Variants in STAG1 observed in about 807,000 individuals in gnomAD.
STAG1 encodes cohesin subunit SA-1.
STAG1 carries 26 observed loss-of-function variants against 170.9 expected under a neutral mutation model. The observed-to-expected ratio is 0.15, with a 90% CI of 0.11 to 0.21. STAG1 has a LOEUF of 0.21. STAG1 is among the 10% of genes least tolerant of loss of function. The pLI, the probability that STAG1 is intolerant of heterozygous loss-of-function variation, is 1.00. For missense variants in STAG1, 964 were observed against 1,509.5 expected (o/e 0.64, Z 5.99); for synonymous variants, 514 against 497.7 (o/e 1.03, Z -0.44).
intron 32 of STAG1, among the ~76,000 whole-genome samples, chr3:136,340,000 A>C (rs1935899671): frequency 6.6e-6 from 1 of 152,158 alleles, no homozygotes; most frequent in African/African-American, 2.4e-5. Flanking sequence ...AAAAAGAAAG[A>C]ACCAGTTTCT....
At chr3:136,745,668 A>G (rs1934900418) in intron 1 of STAG1, among the ~76,000 whole-genome samples, 2 of 152,300 alleles carry the variant, frequency 1.3e-5, no homozygotes, top group Admixed American at 6.5e-5. Flanking sequence ...TGTGCAGCCC[A>G]GTTTCTACCA....
At chr3:136,526,089 A>G (rs1281801793) in intron 6 of STAG1, among the ~76,000 whole-genome samples, 1 of 152,112 alleles carries the variant, frequency 6.6e-6, no homozygotes, top group Non-Finnish European at 1.5e-5. Context: ...TGGGGTGGAG[A>G]GTTCTGTAGA....
chr3:136,475,142 T>TTG (rs2089717278), intron 10 of STAG1, among the ~76,000 whole-genome samples: 1 of 100,302 alleles, frequency 1.0e-5, no homozygotes, highest in Non-Finnish European at 2.4e-5. Flanking sequence ...AGGTTCCTTT[T>TTG]TTTTTTTTTT....
intron 2 of STAG1, among the ~76,000 whole-genome samples, chr3:136,628,474 T>TG (rs994321437): frequency 2.6e-5 from 4 of 151,914 alleles, no homozygotes; most frequent in African/African-American, 7.3e-5. Flanking sequence ...AAAAAAGGGG[T>TG]GGGGGGAGGC....
At chr3:136,572,721 A>G (rs1018878895) in intron 4 of STAG1, among the ~76,000 whole-genome samples, 12 of 152,142 alleles carry the variant, frequency 7.9e-5, no homozygotes, top group African/African-American at 2.7e-4. Context: ...CCAGATATAT[A>G]TAACTTCCAC....
At chr3:136,575,542 G>A (rs921350154) in intron 4 of STAG1, among the ~76,000 whole-genome samples, 1 of 151,402 alleles carries the variant, frequency 6.6e-6, no homozygotes, top group Admixed American at 6.6e-5. Flanking sequence ...TCTATCTGGA[G>A]GATAAGGAAA....
At chr3:136,616,202 G>C (rs1939587793) in intron 3 of STAG1, among the ~76,000 whole-genome samples, 2 of 151,490 alleles carry the variant, frequency 1.3e-5, no homozygotes, top group African/African-American at 4.9e-5. Flanking sequence ...CTGGGAGGCG[G>C]AACTTGCAGT....
Position 136,447,151 on chromosome 3 carries a change from C to T in STAG1, c.1429-3747G>A, listed in dbSNP as rs958418788. ...TATCGATAAGAAGCTGTCAATTTTC[C>T]TGTCTTAAATGACTGTCACAATTAT... On this transcript the variant is annotated intron_variant, in intron 14 of 33. Transcript: ENST00000383202. 2.9e-4 allele frequency among the ~76,000 whole-genome samples: 44 copies of T among 151,674 alleles called. 1 individual carries two copies. Among genetic ancestry groups the T allele is most frequent in the African/African-American group, 1.0e-3 (43 of 41,452 alleles).
At chr3:136,412,037 A>T (rs1005025809) in intron 21 of STAG1, among the ~76,000 whole-genome samples, 1 of 152,092 alleles carries the variant, frequency 6.6e-6, no homozygotes, top group Admixed American at 6.6e-5. Flanking sequence ...CAAACAAACA[A>T]ACAAACAAAA....
intron 21 of STAG1, among the ~76,000 whole-genome samples, chr3:136,401,950 G>GTCAGGCTGGTCTC (rs1321113976): frequency 1.3e-5 from 2 of 151,908 alleles, no homozygotes; most frequent in Non-Finnish European, 2.9e-5. Context: ...CACCATGTTG[G>GTCAGGCTGGTCTC]TCAGGCTGGT....
At chr3:136,469,343 G>C (rs2089560086) in intron 12 of STAG1, among the ~76,000 whole-genome samples, 1 of 152,096 alleles carries the variant, frequency 6.6e-6, no homozygotes, top group Admixed American at 6.6e-5. Context: ...ACCAGTAACA[G>C]ACAAACAGAG....
chr3:136,613,313 C>CAAAAAAAAAAAAAA lies in STAG1; in HGVS notation c.133-8854_133-8841dup, dbSNP rs60449608. On this transcript the variant is annotated intron_variant, in intron 3 of 33. Transcript: ENST00000383202. ...AAGTGAACAGAGTGAGACTCCGTCT[C>CAAAAAAAAAAAAAA]AAAAAAAAAAAAAAAAAAAAAAGAA... 1.0e-3 allele frequency among the ~76,000 whole-genome samples: 60 copies of CAAAAAAAAAAAAAA among 59,748 alleles called. 4 individuals carry two copies. The highest frequency in any genetic ancestry group is 1.5e-3 in the African/African-American group (21 of 14,364). The allele number at this position is 59,748 out of a possible 152,430, so 39.2% of individuals were successfully genotyped here.
At chr3:136,403,704 T>G (rs914532049) in intron 21 of STAG1, among the ~76,000 whole-genome samples, 1 of 152,208 alleles carries the variant, frequency 6.6e-6, no homozygotes, top group Non-Finnish European at 1.5e-5. Flanking sequence ...CTACTCATTA[T>G]AAATATCACT....
At chr3:136,639,442 C>G (rs1204570243) in intron 1 of STAG1, among the ~76,000 whole-genome samples, 1 of 152,134 alleles carries the variant, frequency 6.6e-6, no homozygotes, top group African/African-American at 2.4e-5. Context: ...AAATTACATG[C>G]TTTTAAATAT....
chr3:136,723,297 G>A (rs1157637530), intron 1 of STAG1, among the ~76,000 whole-genome samples: 2 of 151,570 alleles, frequency 1.3e-5, no homozygotes, highest in East Asian at 3.9e-4. Context: ...GAGCGTCTCT[G>A]CCCGGCCGCC....
intron 23 of STAG1, among the ~76,000 whole-genome samples, chr3:136,374,052 T>C (rs1025742028): frequency 6.6e-6 from 1 of 152,228 alleles, no homozygotes; most frequent in African/African-American, 2.4e-5. Flanking sequence ...ATATTTAGGA[T>C]ACTTAGCTCT....
At chr3:136,694,029 A>G (rs924045071) in intron 1 of STAG1, among the ~76,000 whole-genome samples, 1 of 152,178 alleles carries the variant, frequency 6.6e-6, no homozygotes, top group African/African-American at 2.4e-5. Flanking sequence ...CAATTCTAGT[A>G]GAGTCAACAT....
chr3:136,604,205 C>A, intron 4 of STAG1, 104 bp downstream of exon 4: 1 of 1,034,832 alleles, frequency 9.7e-7, no homozygotes, highest in Non-Finnish European at 1.3e-6. Flanking sequence ...AGGTTGCTTA[C>A]ATAATCAACA....
chr3:136,582,146 C>T (rs977750095), intron 4 of STAG1, among the ~76,000 whole-genome samples: 1 of 139,950 alleles, frequency 7.1e-6, no homozygotes, highest in Non-Finnish European at 1.5e-5. Context: ...ACAAAAAGTG[C>T]TTACCATAGT....
Sources: allele counts gnomAD v4.1 joint callset (sites outside exome capture counted in the v4.1 genomes callset), GRCh38; gene constraint gnomAD v4.1.1; transcripts MANE v1.5; gene names NCBI Gene and HGNC (gene_info 2026-07-23, HGNC 2026-07-21).